The following THADA variants were observed in gnomAD, a reference collection of about 807,000 sequenced individuals.
THADA encodes THADA armadillo repeat containing.
THADA carries 213 observed loss-of-function variants against 219.8 expected under a neutral mutation model. That is an observed-to-expected ratio of 0.97 (90% confidence interval 0.87 to 1.09). The LOEUF (loss-of-function observed/expected upper bound fraction) is 1.09, where lower values mean the gene tolerates loss of function less well. THADA is among the 50% of genes least tolerant of loss of function. The probability of loss-of-function intolerance (pLI) is 0.00; values close to 1 mark genes in which losing one functional copy is unlikely to be tolerated. For missense variants in THADA, 2,956 were observed against 2,311.3 expected (o/e 1.28, Z -5.72); for synonymous variants, 1,018 against 828.9 (o/e 1.23, Z -3.92).
chr2:43,365,310 C>T (rs924791233), intron 29 of THADA, among the ~76,000 whole-genome samples: 2 of 151,994 alleles, frequency 1.3e-5, no homozygotes, highest in African/African-American at 4.8e-5. Flanking sequence ...GTGGCTTACA[C>T]CTATAATCCC....
At chr2:43,404,027 A>C (rs1375528031) in intron 28 of THADA, among the ~76,000 whole-genome samples, 1 of 152,158 alleles carries the variant, frequency 6.6e-6, no homozygotes, top group Non-Finnish European at 1.5e-5. Context: ...GGATTATACT[A>C]CCTTCAAAAA....
At chr2:43,486,723 A>C (rs945511738) in intron 25 of THADA, 1 of 152,228 alleles carries the variant, frequency 6.6e-6, no homozygotes, top group African/African-American at 2.4e-5. Flanking sequence ...GTGTCAGCTG[A>C]GTTGCTGCCA....
intron 31 of THADA, among the ~76,000 whole-genome samples, chr2:43,316,046 T>C (rs1036399707): frequency 4.6e-5 from 7 of 152,152 alleles, no homozygotes; most frequent in Non-Finnish European, 8.8e-5. Context: ...AGTTGCCATG[T>C]CCCTAGTGCT....
At chr2:43,564,973 T>C (rs1455428351) in intron 15 of THADA, 2 of 152,216 alleles carry the variant, frequency 1.3e-5, no homozygotes, top group African/African-American at 4.8e-5. Context: ...GGAAGCTTTT[T>C]GTTCTATAAT....
intron 25 of THADA, among the ~76,000 whole-genome samples, chr2:43,487,570 G>A (rs1305371614): frequency 1.3e-5 from 2 of 152,142 alleles, no homozygotes; most frequent in Non-Finnish European, 2.9e-5. Flanking sequence ...ATCCTGATAT[G>A]GTCTGAATAT....
rs1667834712 is a variant in THADA at position 43,348,033 on chromosome 2, CA to C, written c.4228-3797del. Among the ~76,000 whole-genome samples the C allele has an allele frequency of 3.9e-5, 6 of 152,202 alleles. No homozygotes were observed. In the South Asian group the frequency reaches 1.0e-3, roughly 26 times the overall value. The stretch of plus-strand genomic sequence containing the variant: ...CCCAGGACTACTGTAGTAGTCTAGA[CA>C]AGAGGAGGGGAGGGTTGAAACCAGC... On this transcript the variant is annotated intron_variant, in intron 29 of 37. Transcript: ENST00000405975.
At chr2:43,531,662 G>A (rs978562609) in intron 21 of THADA, among the ~76,000 whole-genome samples, 1 of 152,088 alleles carries the variant, frequency 6.6e-6, no homozygotes, top group Non-Finnish European at 1.5e-5. Context: ...TTCAAAATTT[G>A]ATTTTTAAAA....
At chr2:43,388,746 G>A (rs1315031774) in intron 29 of THADA, among the ~76,000 whole-genome samples, 1 of 152,214 alleles carries the variant, frequency 6.6e-6, no homozygotes, top group Non-Finnish European at 1.5e-5. Flanking sequence ...TGTGAAATAT[G>A]ATAACACATA....
chr2:43,453,225 A>T (rs1406616023), intron 26 of THADA, among the ~76,000 whole-genome samples: 1 of 152,224 alleles, frequency 6.6e-6, no homozygotes, highest in Non-Finnish European at 1.5e-5. Context: ...CTCAGGATAC[A>T]AGGTGTGATT....
At chr2:43,576,740 G>A (rs1034708877) in intron 10 of THADA, among the ~76,000 whole-genome samples, 5 of 151,928 alleles carry the variant, frequency 3.3e-5, no homozygotes, top group African/African-American at 7.3e-5. Flanking sequence ...CTGCATCCTC[G>A]GCCTCCTGGG....
chr2:43,285,830 C>T (rs1226944964), intron 35 of THADA, among the ~76,000 whole-genome samples: 2 of 152,110 alleles, frequency 1.3e-5, no homozygotes, highest in South Asian at 2.1e-4. Flanking sequence ...GGATTACAGA[C>T]GTGAGCCACT....
chr2:43,422,803 T>C (rs1677884090), intron 28 of THADA, among the ~76,000 whole-genome samples: 1 of 152,146 alleles, frequency 6.6e-6, no homozygotes, highest in South Asian at 2.1e-4. Flanking sequence ...TTGAGCTGCC[T>C]TGACCTCCTG....
chr2:43,494,187 G>A (rs532205543), intron 25 of THADA, among the ~76,000 whole-genome samples: 1 of 152,322 alleles, frequency 6.6e-6, no homozygotes, highest in East Asian at 1.9e-4. Flanking sequence ...ACCAGTAAAA[G>A]ACAAACATAT....
Position 43,527,978 on chromosome 2 carries a change from A to G in THADA, c.3275T>C (p.Ile1092Thr), listed in dbSNP as rs1392612425. The change falls in exon 22 of 38, where the codon ATA becomes ACA. Residue 1092 changes from isoleucine (I) to threonine (T), a missense_variant. Transcript: ENST00000405975. Reference sequence around the variant, plus strand: ...AAGGTGTTGTTTAAAGTAATCTCCTATTTCTTTTACCTTTAAAAAAAAAGC... The same window carrying G: ...AAGGTGTTGTTTAAAGTAATCTCCTGTTTCTTTTACCTTTAAAAAAAAAGC... ...GLLTVEQVKEIGDYFKQHLLQ... is the reference protein window; with the variant it reads ...GLLTVEQVKETGDYFKQHLLQ... 2 of 1,609,334 alleles carry G rather than the reference A, an allele frequency of 1.2e-6. No homozygotes were observed. Among genetic ancestry groups the G allele is most frequent in the Admixed American group, 1.7e-5 (1 of 59,164 alleles).
chr2:43,551,163 TAC>T (rs1017817531), intron 19 of THADA, among the ~76,000 whole-genome samples: 2 of 152,220 alleles, frequency 1.3e-5, no homozygotes, highest in Non-Finnish European at 2.9e-5. Flanking sequence ...GTGTTTATGA[TAC>T]AGTCAGTTTT....
intron 36 of THADA, among the ~76,000 whole-genome samples, chr2:43,249,867 T>C (rs1001925612): frequency 6.6e-6 from 1 of 152,214 alleles, no homozygotes; most frequent in African/African-American, 2.4e-5. Context: ...CTTCGGTTTA[T>C]TTCCAGATCT....
intron 22 of THADA, among the ~76,000 whole-genome samples, chr2:43,518,190 T>A (rs1429000071): frequency 2.6e-5 from 4 of 152,188 alleles, no homozygotes. Flanking sequence ...GGGAGCTCAA[T>A]AAATATTTGT....
At chr2:43,501,307 CAAA>C (rs60448094) in intron 24 of THADA, among the ~76,000 whole-genome samples, 36 of 15,028 alleles carry the variant, frequency 2.4e-3, no homozygotes, top group African/African-American at 5.7e-3. Flanking sequence ...ACTCCAACTC[CAAA>C]AAAAAAAAAA....
intron 36 of THADA, among the ~76,000 whole-genome samples, chr2:43,238,026 G>A (rs1169419586): frequency 6.8e-6 from 1 of 146,902 alleles, no homozygotes; most frequent in African/African-American, 2.5e-5. Context: ...GGCTGAGGCA[G>A]GAGAGTTGCT....
Sources: gnomAD v4.1 joint callset for allele counts (sites outside exome capture counted in the v4.1 genomes callset) on GRCh38, gnomAD v4.1.1 for gene constraint, MANE v1.5 for transcripts, NCBI Gene and HGNC (gene_info 2026-07-23, HGNC 2026-07-21) for gene names.